Variants in NEB observed in about 807,000 individuals in gnomAD.
NEB encodes nebulin.
Under a neutral mutation model 952.2 loss-of-function variants are expected in NEB, and 512 were observed. That is an observed-to-expected ratio of 0.54 (90% CI 0.50 to 0.58). The LOEUF (loss-of-function observed/expected upper bound fraction) is 0.58. Ranked by LOEUF, NEB falls within the 20% of genes least tolerant of loss-of-function variation. The pLI, the probability that NEB is intolerant of heterozygous loss-of-function variation, is 0.00. For missense variants in NEB, 8,428 were observed against 9,231.1 expected, an observed-to-expected ratio of 0.91 and a Z score of 3.56; for synonymous variants, 2,900 against 3,149.8, an observed-to-expected ratio of 0.92 and a Z score of 2.66.
chr2:151,501,909 A>AATG (rs1357560905), intron 167 of NEB, among the ~76,000 whole-genome samples: 5 of 152,364 alleles, frequency 3.3e-5, no homozygotes, highest in African/African-American at 1.2e-4. Context: ...ACTAGCTTTC[A>AATG]ATGATACTGA....
intron 52 of NEB, 127 bp downstream of exon 52, chr2:151,653,865 G>A: frequency 1.7e-6 from 1 of 600,884 alleles, no homozygotes; most frequent in Non-Finnish European, 3.0e-6. Context: ...TAAATGAAGA[G>A]GGTAGGAGAA....
At chr2:151,528,293 C>A (rs543223920) in intron 146 of NEB, among the ~76,000 whole-genome samples, 1 of 152,284 alleles carries the variant, frequency 6.6e-6, no homozygotes, top group South Asian at 2.1e-4. Context: ...ACATTTCTTT[C>A]CTCATTCTTT....
At chr2:151,502,642 C>CTAAA (rs2065615318) in intron 167 of NEB, 151 bp downstream of exon 167, 2 of 624,242 alleles carry the variant, frequency 3.2e-6, no homozygotes, top group Non-Finnish European at 5.6e-6. Flanking sequence ...CACACCAGAA[C>CTAAA]TAAATACTAA....
chr2:151,493,476 A>C (rs1334155466), intron 175 of NEB, 31 bp from the exon 176 acceptor site: 2 of 1,441,682 alleles, frequency 1.4e-6, no homozygotes, highest in Non-Finnish European at 1.9e-6. Flanking sequence ...TCTAGGCATC[A>C]GACAGCAGAA....
intron 129 of NEB, among the ~76,000 whole-genome samples, chr2:151,550,290 A>C (rs993884889): frequency 2.9e-5 from 4 of 137,910 alleles, no homozygotes; most frequent in African/African-American, 2.7e-5. Flanking sequence ...AAAAAAAAAA[A>C]CACTAATTCC....
rs777652614 is a variant in NEB at position 151,524,552 on chromosome 2, A to G, written c.22337T>C (p.Ile7446Thr). 1 of 1,537,488 alleles carries G rather than the reference A, an allele frequency of 6.5e-7. No homozygotes were observed. The highest frequency in any genetic ancestry group is 8.8e-7 in the Non-Finnish European group (1 of 1,134,586). Residue 7446 changes from isoleucine (I) to threonine (T), a missense_variant, in exon 152 of 182, where the codon ATC becomes ACC. This residue lies in a region of NEB where 3,374 missense variants were observed against 3,651.5 expected (regional missense o/e 0.92). Transcript: ENST00000397345. ...HYTTVADRPD[I>T]KKATQAAKQA... ...TTTGGCTGCCTGTGTGGCCTTCTTGATGTCTGGTCGATCAGCCACTGTGGT... is the reference window on the plus strand; with the variant it reads ...TTTGGCTGCCTGTGTGGCCTTCTTGGTGTCTGGTCGATCAGCCACTGTGGT...
chr2:151,717,542 A>T, intron 9 of NEB, 22 bp from the exon 10 acceptor site: 1 of 1,538,554 alleles, frequency 6.5e-7, no homozygotes. Context: ...AAAGACAGGG[A>T]TGTATTTTAA....
intron 11 of NEB, 46 bp downstream of exon 11, chr2:151,710,388 G>A (rs2099741323): frequency 6.0e-6 from 8 of 1,335,456 alleles, no homozygotes; most frequent in African/African-American, 1.4e-5. Context: ...TAAGGAAAGG[G>A]GTCTCCCTCC....
At position 151,659,051 on chromosome 2, in the gene NEB, G is replaced by A. The variant is rs778559521; in HGVS notation, c.6075+14C>T. ...GCTGGAGAGAAAGATGACAACAGGG[G>A]GAACTATACTTACATCACTCATATT... On this transcript the variant is annotated intron_variant, in intron 47 of 181. Coordinates refer to ENST00000397345, the MANE Select transcript of NEB (RefSeq NM_001164508.2). 2 of 1,511,756 alleles carry A rather than the reference G, an allele frequency of 1.3e-6. No homozygotes were observed. The highest frequency in any genetic ancestry group is 2.3e-5 in the East Asian group (1 of 44,362). 93.6% of individuals were successfully genotyped at this position (1,511,756 alleles called of 1,614,324 possible). A position where few individuals can be genotyped will look rare whatever the true frequency, so the allele number is the denominator to read the frequency against.
chr2:151,540,455 A>C lies in NEB; in HGVS notation c.20788-7T>G. On this transcript the variant is annotated splice_region_variant and splice_polypyrimidine_tract_variant and intron_variant, in intron 137 of 181. Transcript: ENST00000397345. ...ATTGAATCTTGTACTTTTTCTGAGA[A>C]ATAAATGCAGAAGAGAGAGACAAGC... 6.5e-7 allele frequency: 1 copy of C among 1,542,264 alleles called. No individual in the cohort carries two copies. The highest frequency in any genetic ancestry group is 8.8e-7 in the Non-Finnish European group (1 of 1,136,644).
intron 171 of NEB, chr2:151,497,282 T>A (rs76662961): frequency 1.7e-6 from 1 of 583,382 alleles, no homozygotes; most frequent in Non-Finnish European, 2.1e-6. Flanking sequence ...ATCCATGTTA[T>A]TTTTTTTTTT....
At position 151,724,269 on chromosome 2, in the gene NEB, C is replaced by T. The variant is rs1303610758; in HGVS notation, c.603G>A (p.Met201Ile). Residue 201 changes from methionine to isoleucine, a missense_variant, in exon 8 of 182, where the codon ATG (methionine) becomes ATA (isoleucine). By Grantham distance (10) the Met-to-Ile change is conservative (BLOSUM62 1). Around this residue, in one of 11 missense-constraint regions of NEB, gnomAD observed 2,851 missense variants for 2,791.5 expected, o/e 1.02. Coordinates refer to ENST00000397345, the MANE Select transcript of NEB (RefSeq NM_001164508.2). ...TGGAGCAGACCCTTACCTTGCTGAA[C>T]ATGGCGGTGTTCTTAACGGCCTGGA... is the stretch of plus-strand genomic sequence containing the variant. ...ELVQAVKNTAMFSKKLYTEDW... is the reference protein window; with the variant it reads ...ELVQAVKNTAIFSKKLYTEDW... 2.5e-6 allele frequency: 4 copies of T among 1,612,316 alleles called. No homozygotes were observed. Among genetic ancestry groups the T allele is most frequent in the Admixed American group, 3.3e-5 (2 of 59,828 alleles).
At chr2:151,488,194 T>C (rs951238933) in intron 181 of NEB, among the ~76,000 whole-genome samples, 11 of 152,274 alleles carry the variant, frequency 7.2e-5, no homozygotes, top group African/African-American at 2.2e-4. Context: ...TTTTTCAATA[T>C]TAATATTTTT....
chr2:151,648,277 G>A (rs1166614111), intron 54 of NEB, among the ~76,000 whole-genome samples: 2 of 152,060 alleles, frequency 1.3e-5, no homozygotes, highest in African/African-American at 4.8e-5. Context: ...AGATGTGTGT[G>A]TCTGGCACTT....
rs2093886770 is a variant in NEB, at chr2:151,540,441, T to C, written c.20795A>G (p.Tyr6932Cys). ...DVKDMVSEKK[Y>C]KIQYEKMKDK... is the part of the protein sequence containing the mutation. ...TTTCATCTTTTCATATTGAATCTTG[T>C]ACTTTTTCTGAGAAATAAATGCAGA... Residue 6932 changes from tyrosine to cysteine, a missense_variant, in exon 138 of 182, where the codon TAC becomes TGC. Tyr to Cys is a radical substitution (Grantham distance 194, BLOSUM62 -2). This residue lies in a region of NEB where 3,374 missense variants were observed against 3,651.5 expected (regional missense o/e 0.92). Transcript: ENST00000397345. The C allele has an allele frequency of 6.4e-7, 1 of 1,558,704 alleles. No individual in the cohort carries two copies. The highest frequency in any genetic ancestry group is 1.2e-5 in the South Asian group (1 of 84,758).
At chr2:151,526,298 T>A in intron 148 of NEB, 36 bp from the exon 149 acceptor site, 1 of 1,363,944 alleles carries the variant, frequency 7.3e-7, no homozygotes, top group Non-Finnish European at 1.0e-6. Flanking sequence ...TCTTTAGCTC[T>A]GCTGGATATC....
In NEB at chr2:151,629,525, G is replaced by T; in HGVS notation, c.9831+14C>A. The T allele has an allele frequency of 1.3e-6, 2 of 1,585,970 alleles. No homozygotes were observed. Among genetic ancestry groups the T allele is most frequent in the Non-Finnish European group, 1.7e-6 (2 of 1,154,688 alleles). On this transcript the variant is annotated intron_variant, in intron 68 of 181. Coordinates refer to ENST00000397345, the MANE Select transcript of NEB (RefSeq NM_001164508.2). ...TCATCCATCCATGTAAATATCTAGGGTGTTGCTACTCACATCACTGATAAC... is the reference window on the plus strand; with the variant it reads ...TCATCCATCCATGTAAATATCTAGGTTGTTGCTACTCACATCACTGATAAC...
chr2:151,510,614 A>G lies in NEB; in HGVS notation c.23346+2119T>C, dbSNP rs111458459. Among the ~76,000 whole-genome samples, 638 of 152,358 alleles carry G rather than the reference A, an allele frequency of 4.2e-3. 5 individuals are homozygous for G. Among genetic ancestry groups the G allele is most frequent in the African/African-American group, 0.014 (595 of 41,584 alleles). ...AGAGAGAGACCACATTCATGTAACT[A>G]TATAACTTTTATTACAGTATATTGT... is the stretch of plus-strand genomic sequence containing the variant. On this transcript the variant is annotated intron_variant, in intron 161 of 181. Transcript: ENST00000397345.
At chr2:151,539,854 T>C (rs2093781987) in intron 138 of NEB, among the ~76,000 whole-genome samples, 1 of 152,206 alleles carries the variant, frequency 6.6e-6, no homozygotes, top group African/African-American at 2.4e-5. Context: ...TCTGAGTAAC[T>C]AGGAGCCCAG....
Sources: gnomAD v4.1 joint callset for allele counts (sites outside exome capture counted in the v4.1 genomes callset) on GRCh38, gnomAD v4.1.1 for gene constraint, gnomAD v4.1.1 regional missense constraint, MANE v1.5 for transcripts, NCBI Gene and HGNC (gene_info 2026-07-23, HGNC 2026-07-21) for gene names.